CFAP20: variants seen among roughly 807,000 people sequenced by gnomAD.
The protein encoded by CFAP20 is cilia- and flagella-associated protein 20.
A neutral mutation model predicts 25.5 loss-of-function variants in CFAP20; 14 were observed. The ratio of observed to expected loss-of-function variants is 0.55; its 90% CI spans 0.36 to 0.86. The LOEUF (loss-of-function observed/expected upper bound fraction) is 0.86, where lower values mean the gene tolerates loss of function less well. Among genes scored for constraint, CFAP20 ranks in the 40% least tolerant of loss-of-function variants. The pLI is 0.01. For synonymous variants in CFAP20, 75 were observed against 91.1 expected, an observed-to-expected ratio of 0.82 and a Z score of 1.01; for missense variants, 181 against 248.0, an observed-to-expected ratio of 0.73 and a Z score of 1.81.
intron 1 of CFAP20, 65 bp from the exon 2 acceptor site, chr16:58,117,016 A>G (rs1056987735): frequency 4.1e-6 from 6 of 1,468,830 alleles, no homozygotes; most frequent in Admixed American, 3.5e-5. Flanking sequence ...CTATTTAAAG[A>G]AAACCACGGT....
intron 1 of CFAP20, 89 bp from the exon 2 acceptor site, chr16:58,117,040 T>G: frequency 8.4e-7 from 1 of 1,189,936 alleles, no homozygotes. Flanking sequence ...CCAAGAGGCG[T>G]ACAAAGAAAT....
Position 58,116,046 on chromosome 16 carries a change from C to T in CFAP20, c.271G>A (p.Val91Met), listed in dbSNP as rs922908521. 7.5e-6 allele frequency: 12 copies of T among 1,600,020 alleles called. No individual in the cohort carries two copies. Among genetic ancestry groups the T allele is most frequent in the Non-Finnish European group, 1.0e-5 (12 of 1,167,352 alleles). ...ATTCATGTACACATACTTACCTGCA[C>T]TTCGAAGGTAAAATACTTCTTCAGG... ...KNLKKYFTFE[V>M]QVLDDKNVRR... The change falls in exon 3 of 6, where the codon GTG becomes ATG. Residue 91 changes from valine (V) to methionine (M), a missense_variant. Val to Met is a conservative substitution (Grantham distance 21, BLOSUM62 1). Transcript: ENST00000262498.
rs578058937 is a variant in CFAP20 at position 58,124,128 on chromosome 16, G to A, written c.84+4904C>T. On this transcript the variant is annotated intron_variant, in intron 1 of 5. Transcript: ENST00000262498. ...GGGGGAACCGGGTGAAGTGAGTCCC[G>A]CCTGGAGAACAAGTGAAGCAGGTGC... Among the ~76,000 whole-genome samples, 7 of 152,274 alleles carry A rather than the reference G, an allele frequency of 4.6e-5. No individual in the cohort carries two copies. The East Asian group carries it at 1.2e-3, about 25-fold the overall frequency.
In CFAP20 at chr16:58,129,259, C is replaced by T. The variant is rs1960676666; in HGVS notation, c.-144G>A. On this transcript the variant is annotated 5_prime_UTR_variant, in exon 1 of 6. Transcript: ENST00000262498. ...GAGCTCCTGGCCTCCGGATCTGCAG[C>T]CACTGATGGCCGGACTCGGACGCGG... The T allele has an allele frequency of 1.3e-6, 1 of 777,464 alleles. No homozygotes were observed. The highest frequency in any genetic ancestry group is 2.6e-5 in the Admixed American group (1 of 37,798). The allele number at this position is 777,464 out of a possible 1,614,324, so 48.2% of individuals were successfully genotyped here.
At position 58,129,064 on chromosome 16, in the gene CFAP20, C is replaced by G; in HGVS notation, c.52G>C (p.Gly18Arg). ...SGFLSILYSI[G>R]SKPLQIWDKK... ...TCCCAGATTTGCAGAGGCTTGCTGCCGATGCTGTAGAGGATGGAGAGGAAG... is the reference window on the plus strand; with the variant it reads ...TCCCAGATTTGCAGAGGCTTGCTGCGGATGCTGTAGAGGATGGAGAGGAAG... The change falls in exon 1 of 6, where the codon GGC becomes CGC. Residue 18 changes from glycine (G) to arginine (R), a missense_variant. Coordinates refer to ENST00000262498, the MANE Select transcript of CFAP20 (RefSeq NM_013242.3). 1 of 1,613,802 alleles carries G rather than the reference C, an allele frequency of 6.2e-7. No homozygotes were observed. Among genetic ancestry groups the G allele is most frequent in the Non-Finnish European group, 8.5e-7 (1 of 1,179,950 alleles).
At chr16:58,124,191 G>C (rs1960577864) in intron 1 of CFAP20, among the ~76,000 whole-genome samples, 1 of 152,202 alleles carries the variant, frequency 6.6e-6, no homozygotes, top group South Asian at 2.1e-4. Flanking sequence ...CCACATTAAG[G>C]GCTTAGGGCT....
chr16:58,113,757 G>T lies in CFAP20; in HGVS notation c.*268C>A. On this transcript the variant is annotated 3_prime_UTR_variant, in exon 6 of 6. Coordinates refer to ENST00000262498, the MANE Select transcript of CFAP20 (RefSeq NM_013242.3). ...TTAATTCTGTAAGTTCATGGTAAAG[G>T]TATCTCCCCCCACACTGGGGCAGGC... 1 of 466,334 alleles carries T rather than the reference G, an allele frequency of 2.1e-6. No individual in the cohort carries two copies. Among genetic ancestry groups the T allele is most frequent in the Non-Finnish European group, 3.9e-6 (1 of 257,054 alleles). 28.9% of individuals were successfully genotyped at this position (466,334 alleles called of 1,614,324 possible). A position where few individuals can be genotyped will look rare whatever the true frequency, so the allele number is the denominator to read the frequency against.
At position 58,129,165 on chromosome 16, in the gene CFAP20, G is replaced by T. The variant is rs1938888629; in HGVS notation, c.-50C>A. On this transcript the variant is annotated 5_prime_UTR_variant, in exon 1 of 6. Coordinates refer to ENST00000262498, the MANE Select transcript of CFAP20 (RefSeq NM_013242.3). ...CGCCCCCGGAGCCGACCTAGGCCCC[G>T]GAGTAGATACAGGCACCGAGCGTCG... 1 of 1,596,894 alleles carries T rather than the reference G, an allele frequency of 6.3e-7. No individual in the cohort carries two copies.
At chr16:58,120,637 G>T (rs936212451) in intron 1 of CFAP20, among the ~76,000 whole-genome samples, 7 of 152,202 alleles carry the variant, frequency 4.6e-5, no homozygotes, top group African/African-American at 1.7e-4. Context: ...TCTGCCCAGA[G>T]GCAAGCTAAC....
At chr16:58,114,146 G>T in intron 5 of CFAP20, 116 bp from the exon 6 acceptor site, 1 of 1,088,818 alleles carries the variant, frequency 9.2e-7, no homozygotes, top group South Asian at 1.2e-5. Flanking sequence ...GTGGAGAATG[G>T]ACACACATCT....
chr16:58,122,601 A>C (rs567217835), intron 1 of CFAP20, among the ~76,000 whole-genome samples: 91 of 152,174 alleles, frequency 6.0e-4, no homozygotes, highest in Non-Finnish European at 9.3e-4. Context: ...GAAAAACAAA[A>C]CCAAAAAACC....
intron 1 of CFAP20, among the ~76,000 whole-genome samples, chr16:58,121,845 G>T (rs967849795): frequency 6.6e-6 from 1 of 152,172 alleles, no homozygotes. Flanking sequence ...GGAGCTGGTG[G>T]ATGCTGTATA....
intron 1 of CFAP20, among the ~76,000 whole-genome samples, chr16:58,128,571 G>A (rs1370668691): frequency 6.6e-6 from 1 of 152,174 alleles, no homozygotes; most frequent in Non-Finnish European, 1.5e-5. Context: ...ACCGTGCCTG[G>A]CACAAAAACG....
chr16:58,121,390 G>T (rs546761238), intron 1 of CFAP20, among the ~76,000 whole-genome samples: 1 of 152,192 alleles, frequency 6.6e-6, no homozygotes, highest in African/African-American at 2.4e-5. Context: ...GCGGAAGCAG[G>T]TTTTAACATG....
chr16:58,123,461 TGGC>T (rs1960564477), intron 1 of CFAP20, among the ~76,000 whole-genome samples: 1 of 148,294 alleles, frequency 6.7e-6, no homozygotes, highest in African/African-American at 2.4e-5. Context: ...CTGGGCGTGG[TGGC>T]GGGCGCCTGT....
chr16:58,117,203 A>T (rs1359566880), intron 1 of CFAP20: 1 of 508,526 alleles, frequency 2.0e-6, no homozygotes, highest in Non-Finnish European at 3.5e-6. Context: ...ATTTAGATTC[A>T]GCTAATATCT....
In CFAP20 at chr16:58,116,038, T is replaced by TA; in HGVS notation, c.276+2dup. 6.3e-7 allele frequency: 1 copy of TA among 1,589,176 alleles called. No individual in the cohort carries two copies. Among genetic ancestry groups the TA allele is most frequent in the Admixed American group, 1.7e-5 (1 of 59,960 alleles). ...GTGGACACATTCATGTACACATACT[T>TA]ACCTGCACTTCGAAGGTAAAATACT... On this transcript the variant is annotated splice_region_variant and intron_variant, in intron 3 of 5. Coordinates refer to ENST00000262498, the MANE Select transcript of CFAP20 (RefSeq NM_013242.3).
intron 1 of CFAP20, among the ~76,000 whole-genome samples, chr16:58,127,503 G>C (rs374068299): frequency 6.6e-6 from 1 of 152,228 alleles, no homozygotes; most frequent in Non-Finnish European, 1.5e-5. Flanking sequence ...TGAGTCAAGT[G>C]ACAGCTGGGA....
In CFAP20 at chr16:58,129,183, G is replaced by A. The variant is rs868526649; in HGVS notation, c.-68C>T. The A allele has an allele frequency of 2.6e-6, 4 of 1,538,782 alleles. No homozygotes were observed. The highest frequency in any genetic ancestry group is 3.4e-4 in the Middle Eastern group (2 of 5,954). The stretch of plus-strand genomic sequence containing the variant: ...AGGCCCCGGAGTAGATACAGGCACC[G>A]AGCGTCGAGGGCACAGCAGCAGGCC... On this transcript the variant is annotated 5_prime_UTR_variant, in exon 1 of 6. Coordinates refer to ENST00000262498, the MANE Select transcript of CFAP20 (RefSeq NM_013242.3).
Sources: allele counts gnomAD v4.1 joint callset (sites outside exome capture counted in the v4.1 genomes callset), GRCh38; gene constraint gnomAD v4.1.1; transcripts MANE v1.5; gene names NCBI Gene and HGNC (gene_info 2026-07-23, HGNC 2026-07-21).